CTNNA3: variants seen among roughly 807,000 people sequenced by gnomAD.
CTNNA3 encodes the protein catenin alpha 3.
A neutral mutation model predicts 95.7 loss-of-function variants in CTNNA3; 76 were observed. That is an observed-to-expected ratio of 0.79 (90% CI 0.66 to 0.96). The LOEUF (loss-of-function observed/expected upper bound fraction) is 0.96. Among genes scored for constraint, CTNNA3 ranks in the 40% least tolerant of loss-of-function variants. The pLI is 0.00. For missense variants in CTNNA3, 1,191 were observed against 1,089.8 expected (o/e 1.09, Z -1.31); for synonymous variants, 431 against 374.4 (o/e 1.15, Z -1.74).
At chr10:66,762,558 G>A (rs1306080420) in intron 9 of CTNNA3, among the ~76,000 whole-genome samples, 2 of 151,490 alleles carry the variant, frequency 1.3e-5, no homozygotes, top group African/African-American at 4.8e-5. Context: ...ACACATCTGA[G>A]GTCTCCTCCT....
At position 66,198,523 on chromosome 10, in the gene CTNNA3, T is replaced by C. The variant is rs1350843424; in HGVS notation, c.1884+81947A>G. ...GCAGAAATATTAAATAAAATGCTAC[T>C]AGCAAATTGAATCTGCTAGACTGTG... On this transcript the variant is annotated intron_variant, in intron 13 of 17. Transcript: ENST00000433211. Among the ~76,000 whole-genome samples, 12 of 152,262 alleles carry C rather than the reference T, an allele frequency of 7.9e-5. No individual in the cohort carries two copies. The East Asian group carries it at 1.9e-3, about 25-fold the overall frequency.
chr10:65,960,251 G>C (rs1053854343), intron 17 of CTNNA3, among the ~76,000 whole-genome samples: 1 of 151,890 alleles, frequency 6.6e-6, no homozygotes, highest in African/African-American at 2.4e-5. Context: ...GATTCAGGGG[G>C]TACGGCTGGG....
intron 7 of CTNNA3, among the ~76,000 whole-genome samples, chr10:66,911,163 T>A (rs1372066221): frequency 6.6e-6 from 1 of 152,224 alleles, no homozygotes; most frequent in Non-Finnish European, 1.5e-5. Flanking sequence ...TTCAGTTACT[T>A]AAGGGAAAGT....
At chr10:66,769,307 T>C (rs1839990855) in intron 8 of CTNNA3, among the ~76,000 whole-genome samples, 1 of 152,224 alleles carries the variant, frequency 6.6e-6, no homozygotes, top group Non-Finnish European at 1.5e-5. Flanking sequence ...CTTTAGGAGC[T>C]AGCACATGGT....
intron 10 of CTNNA3, among the ~76,000 whole-genome samples, chr10:66,574,546 A>T (rs1326630683): frequency 6.6e-6 from 1 of 152,154 alleles, no homozygotes; most frequent in Non-Finnish European, 1.5e-5. Flanking sequence ...GTTGTAAATC[A>T]CATATCTGTT....
At chr10:66,946,908 T>C (rs549437696) in intron 7 of CTNNA3, among the ~76,000 whole-genome samples, 8 of 152,296 alleles carry the variant, frequency 5.3e-5, no homozygotes, top group Admixed American at 4.6e-4. Flanking sequence ...AAAATTTTCC[T>C]ACAGTCTCTT....
At chr10:66,661,594 T>G (rs1326558611) in intron 9 of CTNNA3, among the ~76,000 whole-genome samples, 1 of 152,158 alleles carries the variant, frequency 6.6e-6, no homozygotes, top group Non-Finnish European at 1.5e-5. Flanking sequence ...AGCATTGATC[T>G]CTACTCTCAT....
intron 5 of CTNNA3, among the ~76,000 whole-genome samples, chr10:67,227,634 T>G (rs187337133): frequency 2.0e-5 from 3 of 152,234 alleles, no homozygotes; most frequent in Non-Finnish European, 4.4e-5. Flanking sequence ...ACTAGACAAG[T>G]CATCAAGACA....
At chr10:66,172,583 C>A (rs111874038) in intron 13 of CTNNA3, among the ~76,000 whole-genome samples, 2 of 151,630 alleles carry the variant, frequency 1.3e-5, no homozygotes, top group African/African-American at 4.8e-5. Context: ...CCATTATTTG[C>A]GAGAAAATTT....
chr10:66,687,379 A>G (rs1320514598), intron 9 of CTNNA3, among the ~76,000 whole-genome samples: 2 of 152,120 alleles, frequency 1.3e-5, no homozygotes. Context: ...AGCGAATTTC[A>G]TTGGTACATA....
rs911060199 is a variant in CTNNA3 at position 66,853,760 on chromosome 10, A to T, written c.1048-78236T>A. 9.2e-5 allele frequency among the ~76,000 whole-genome samples: 14 copies of T among 152,154 alleles called. No individual in the cohort carries two copies. In the South Asian group the frequency reaches 2.9e-3, roughly 31 times the overall value. Reference sequence around the variant, plus strand: ...ACCACCAAGGACATCCCAAGCAATCATTTTATTTTTCTCTCTGCTTTGCTA... The same window carrying T: ...ACCACCAAGGACATCCCAAGCAATCTTTTTATTTTTCTCTCTGCTTTGCTA... On this transcript the variant is annotated intron_variant, in intron 7 of 17. Transcript: ENST00000433211.
At chr10:66,353,535 T>G (rs1328684847) in intron 12 of CTNNA3, among the ~76,000 whole-genome samples, 2 of 152,046 alleles carry the variant, frequency 1.3e-5, no homozygotes, top group African/African-American at 4.8e-5. Context: ...AGGGAGAACC[T>G]CAAGAAAAAT....
At chr10:67,527,459 C>CG (rs1840181905) in intron 4 of CTNNA3, among the ~76,000 whole-genome samples, 1 of 152,152 alleles carries the variant, frequency 6.6e-6, no homozygotes, top group South Asian at 2.1e-4. Context: ...CAACAATTAA[C>CG]ACCAGAAGCA....
At chr10:67,686,697 G>C (rs1840738540) in intron 1 of CTNNA3, among the ~76,000 whole-genome samples, 1 of 152,140 alleles carries the variant, frequency 6.6e-6, no homozygotes, top group African/African-American at 2.4e-5. Context: ...AGTGAGGCCA[G>C]ACTTTTGCTA....
intron 5 of CTNNA3, among the ~76,000 whole-genome samples, chr10:67,465,827 C>G (rs1377535077): frequency 1.3e-5 from 2 of 152,118 alleles, no homozygotes; most frequent in Non-Finnish European, 2.9e-5. Context: ...ACATGAAAAT[C>G]AAGCATTTAG....
chr10:67,633,511 A>G (rs938703348), intron 2 of CTNNA3, among the ~76,000 whole-genome samples: 2 of 152,182 alleles, frequency 1.3e-5, no homozygotes, highest in African/African-American at 4.8e-5. Context: ...CCACTGGGAC[A>G]GAGCTTCCAG....
chr10:66,596,893 C>T (rs1396308329), intron 10 of CTNNA3, among the ~76,000 whole-genome samples: 1 of 151,708 alleles, frequency 6.6e-6, no homozygotes, highest in Non-Finnish European at 1.5e-5. Context: ...TTTAAAAAAG[C>T]ACAGTGAACC....
At chr10:67,018,272 T>A (rs192076220) in intron 7 of CTNNA3, among the ~76,000 whole-genome samples, 1 of 152,238 alleles carries the variant, frequency 6.6e-6, no homozygotes, top group East Asian at 1.9e-4. Flanking sequence ...CTACAGCAAA[T>A]GTCTATGTTT....
chr10:67,475,904 T>C (rs1213407455), intron 5 of CTNNA3, among the ~76,000 whole-genome samples: 1 of 152,178 alleles, frequency 6.6e-6, no homozygotes, highest in African/African-American at 2.4e-5. Flanking sequence ...CAAAATATTA[T>C]GTTAGGAAAA....
Sources: allele counts gnomAD v4.1 joint callset (sites outside exome capture counted in the v4.1 genomes callset), GRCh38; gene constraint gnomAD v4.1.1; transcripts MANE v1.5; gene names NCBI Gene and HGNC (gene_info 2026-07-23, HGNC 2026-07-21).